KCNH5: variants seen among roughly 807,000 people sequenced by gnomAD.
The protein encoded by KCNH5 is potassium voltage-gated channel subfamily H member 5.
In KCNH5, 46 loss-of-function variants were observed where a neutral mutation model predicts 96.1. The observed-to-expected ratio is 0.48, with a 90% CI of 0.38 to 0.61. The LOEUF (loss-of-function observed/expected upper bound fraction) is 0.61. Among genes scored for constraint, KCNH5 ranks in the 20% least tolerant of loss-of-function variants. The pLI is 0.00. For synonymous variants in KCNH5, 439 were observed against 449.8 expected (o/e 0.98, Z 0.30); for missense variants, 907 against 1,225.8 (o/e 0.74, Z 3.88).
chr14:62,705,282 G>C lies in KCNH5; in HGVS notation c.*2226C>G, dbSNP rs1884408869. On this transcript the variant is annotated 3_prime_UTR_variant, in exon 11 of 11. Transcript: ENST00000322893. ...TTTTATAGCTTTACACCAATAGTTA[G>C]TTTTGAAGCACTGGCTAAAGTTAAA... 6.6e-6 allele frequency: 1 copy of C among 151,970 alleles called. No individual in the cohort carries two copies. The highest frequency in any genetic ancestry group is 1.5e-5 in the Non-Finnish European group (1 of 67,868). The allele number at this position is 151,970 out of a possible 1,614,324, so 9.4% of individuals were successfully genotyped here.
At chr14:63,044,981 C>A (rs1891895413) in intron 1 of KCNH5, 133 bp downstream of exon 1, 1 of 722,776 alleles carries the variant, frequency 1.4e-6, no homozygotes, top group Non-Finnish European at 2.4e-6. Context: ...TCCAGCCCAA[C>A]TGGTAAATGA....
chr14:63,029,016 C>T (rs892910052), intron 1 of KCNH5, among the ~76,000 whole-genome samples: 1 of 152,094 alleles, frequency 6.6e-6, no homozygotes, highest in Non-Finnish European at 1.5e-5. Flanking sequence ...TTGAGACCAT[C>T]AAAGAGTTAA....
intron 2 of KCNH5, among the ~76,000 whole-genome samples, chr14:63,007,404 A>C (rs1474212058): frequency 6.6e-6 from 1 of 152,196 alleles, no homozygotes; most frequent in Non-Finnish European, 1.5e-5. Context: ...TGAAAAGCCA[A>C]AGAATTGTTT....
chr14:62,945,237 G>A (rs972642842), intron 7 of KCNH5, among the ~76,000 whole-genome samples: 2 of 152,214 alleles, frequency 1.3e-5, no homozygotes, highest in Non-Finnish European at 2.9e-5. Flanking sequence ...TTGCTTCTTA[G>A]AACTTATATC....
chr14:62,890,616 G>A (rs1052479516), intron 7 of KCNH5, among the ~76,000 whole-genome samples: 2 of 150,028 alleles, frequency 1.3e-5, no homozygotes, highest in African/African-American at 2.5e-5. Context: ...GGAGAATGGC[G>A]TGAACCCGGG....
chr14:62,817,189 T>C (rs1216672537), intron 8 of KCNH5, among the ~76,000 whole-genome samples: 5 of 139,384 alleles, frequency 3.6e-5, no homozygotes, highest in South Asian at 2.1e-4. Context: ...TACTATATAT[T>C]ATATATCATA....
chr14:63,019,041 T>C (rs552849925), intron 1 of KCNH5, among the ~76,000 whole-genome samples: 34 of 152,096 alleles, frequency 2.2e-4, no homozygotes, highest in Non-Finnish European at 4.4e-4. Flanking sequence ...GAGAAAAAGA[T>C]TGAAGACATG....
chr14:62,710,032 T>C (rs1266141462), intron 10 of KCNH5, among the ~76,000 whole-genome samples: 1 of 152,182 alleles, frequency 6.6e-6, no homozygotes, highest in Admixed American at 6.5e-5. Flanking sequence ...TCTCTCTCCT[T>C]GAACTCTCAT....
At chr14:62,887,770 C>G (rs1471134613) in intron 7 of KCNH5, among the ~76,000 whole-genome samples, 1 of 151,870 alleles carries the variant, frequency 6.6e-6, no homozygotes, top group African/African-American at 2.4e-5. Context: ...TGCCCATACC[C>G]TGAAATTATT....
rs142616718 is a variant in KCNH5 at position 62,969,122 on chromosome 14, C to T, written c.942+11750G>A. Among the ~76,000 whole-genome samples the T allele has an allele frequency of 4.7e-3, 721 of 152,144 alleles. 9 individuals are homozygous for T. Among genetic ancestry groups the T allele is most frequent in the African/African-American group, 0.017 (689 of 41,520 alleles). ...ATAACAGAACAATATCTGAAAAATACCCAAACACTTGGAGATTAAATAACA... is the reference window on the plus strand; with the variant it reads ...ATAACAGAACAATATCTGAAAAATATCCAAACACTTGGAGATTAAATAACA... On this transcript the variant is annotated intron_variant, in intron 6 of 10. Coordinates refer to ENST00000322893, the MANE Select transcript of KCNH5 (RefSeq NM_139318.5).
At chr14:62,989,374 T>C (rs1347344938) in intron 4 of KCNH5, among the ~76,000 whole-genome samples, 1 of 152,094 alleles carries the variant, frequency 6.6e-6, no homozygotes, top group Non-Finnish European at 1.5e-5. Flanking sequence ...TTAAAATCAA[T>C]AGCAAATCAA....
intron 7 of KCNH5, among the ~76,000 whole-genome samples, chr14:62,927,152 C>T (rs936148343): frequency 8.5e-5 from 13 of 152,138 alleles, no homozygotes; most frequent in African/African-American, 2.9e-4. Flanking sequence ...AGATGTCCAA[C>T]ATCAATAATC....
intron 8 of KCNH5, among the ~76,000 whole-genome samples, chr14:62,806,911 G>A (rs1028407977): frequency 2.0e-5 from 3 of 152,134 alleles, no homozygotes; most frequent in African/African-American, 7.2e-5. Flanking sequence ...GGTTAGGCAT[G>A]TACAGGATTG....
intron 10 of KCNH5, among the ~76,000 whole-genome samples, chr14:62,719,604 G>C (rs547771714): frequency 2.0e-5 from 3 of 152,366 alleles, no homozygotes; most frequent in African/African-American, 4.8e-5. Flanking sequence ...ACAGAATTTG[G>C]AAGTGAGGTA....
chr14:62,793,083 T>G (rs1005828506), intron 9 of KCNH5, among the ~76,000 whole-genome samples: 1 of 151,766 alleles, frequency 6.6e-6, no homozygotes, highest in Non-Finnish European at 1.5e-5. Context: ...TCATATGAAG[T>G]GTCTATAATA....
chr14:62,880,768 CT>C (rs1328717646), intron 7 of KCNH5, among the ~76,000 whole-genome samples: 3 of 152,134 alleles, frequency 2.0e-5, no homozygotes, highest in Non-Finnish European at 4.4e-5. Flanking sequence ...ACTGTTTTCT[CT>C]TTGGTTGAAT....
intron 7 of KCNH5, among the ~76,000 whole-genome samples, chr14:62,870,880 C>T (rs368536657): frequency 1.3e-5 from 2 of 152,078 alleles, no homozygotes; most frequent in African/African-American, 4.8e-5. Flanking sequence ...AAGGTCAAAC[C>T]GCTAGTAAGT....
intron 9 of KCNH5, among the ~76,000 whole-genome samples, chr14:62,801,156 T>C (rs775105203): frequency 1.3e-5 from 2 of 152,110 alleles, no homozygotes; most frequent in Non-Finnish European, 2.9e-5. Flanking sequence ...GAAGTCAATT[T>C]TTCATTATAT....
chr14:62,733,526 T>C (rs1164040968), intron 10 of KCNH5, among the ~76,000 whole-genome samples: 1 of 152,132 alleles, frequency 6.6e-6, no homozygotes, highest in Non-Finnish European at 1.5e-5. Context: ...TATATGGCAA[T>C]TTAGTACAGC....
Sources: allele counts gnomAD v4.1 joint callset (sites outside exome capture counted in the v4.1 genomes callset), GRCh38; gene constraint gnomAD v4.1.1; transcripts MANE v1.5; gene names NCBI Gene and HGNC (gene_info 2026-07-23, HGNC 2026-07-21).